Variants in PCCB observed in about 807,000 individuals in gnomAD.
The protein encoded by PCCB is propionyl-CoA carboxylase beta chain, mitochondrial.
A neutral mutation model predicts 60.7 loss-of-function variants in PCCB; 43 were observed. The observed-to-expected ratio is 0.71, with a 90% CI of 0.55 to 0.91. PCCB has a LOEUF of 0.91. Ranked by LOEUF, PCCB falls within the 40% of genes least tolerant of loss-of-function variation. PCCB has a pLI of 0.00. For synonymous variants in PCCB, 276 were observed against 255.9 expected (o/e 1.08, Z -0.75); for missense variants, 766 against 702.8 (o/e 1.09, Z -1.02).
chr3:136,279,284 T>C (rs548134749), intron 5 of PCCB, among the ~76,000 whole-genome samples: 76 of 152,340 alleles, frequency 5.0e-4, no homozygotes, highest in Non-Finnish European at 3.2e-4. Flanking sequence ...CATTTATACT[T>C]AGCATGATTG....
chr3:136,316,861 A>C (rs1934914992), intron 9 of PCCB, 80 bp from the exon 10 acceptor site: 1 of 1,509,224 alleles, frequency 6.6e-7, no homozygotes, highest in African/African-American at 1.4e-5. Context: ...ATTCTGTAAT[A>C]GAAATGTCAT....
rs544664390 is a variant in PCCB, at chr3:136,301,083, C to G, written c.938C>G (p.Ala313Gly). Reference protein sequence around the residue: ...DTIVPLESTKAYNMVDIIHSV... With the variant: ...DTIVPLESTKGYNMVDIIHSV... Reference sequence around the variant, plus strand: ...ATTGTCCCTTTGGAATCAACCAAAGCCTACAACATGGTGGACATCATACAC... The same window carrying G: ...ATTGTCCCTTTGGAATCAACCAAAGGCTACAACATGGTGGACATCATACAC... Residue 313 changes from alanine to glycine, a missense_variant, in exon 9 of 15, where the codon GCC becomes GGC. Transcript: ENST00000251654. 1.9e-6 allele frequency: 3 copies of G among 1,613,998 alleles called. No individual in the cohort carries two copies. Among genetic ancestry groups the G allele is most frequent in the Middle Eastern group, 1.7e-4 (1 of 6,060 alleles).
At chr3:136,296,249 A>G (rs1933933282) in intron 7 of PCCB, among the ~76,000 whole-genome samples, 2 of 152,194 alleles carry the variant, frequency 1.3e-5, no homozygotes, top group African/African-American at 4.8e-5. Context: ...GCCCATTAGC[A>G]GTCACTCTGC....
intron 5 of PCCB, among the ~76,000 whole-genome samples, chr3:136,276,582 G>A (rs1280541361): frequency 6.6e-6 from 1 of 152,170 alleles, no homozygotes; most frequent in Non-Finnish European, 1.5e-5. Context: ...GGCCAGGGCG[G>A]GGGTGGGGGT....
chr3:136,254,294 C>G (rs1559994295), intron 1 of PCCB, among the ~76,000 whole-genome samples: 1 of 151,930 alleles, frequency 6.6e-6, no homozygotes, highest in Non-Finnish European at 1.5e-5. Context: ...TCTTGGCTCA[C>G]TGCAACCCCT....
chr3:136,259,901 C>T lies in PCCB; in HGVS notation c.373-578C>T, dbSNP rs1297798294. ...CCGAGTAGCTGGGATTACAGGCACA[C>T]ACCACCACGCCCAGCTAATTTTTAT... is the stretch of plus-strand genomic sequence containing the variant. On this transcript the variant is annotated intron_variant, in intron 3 of 14. Transcript: ENST00000251654. Among the ~76,000 whole-genome samples the T allele has an allele frequency of 2.2e-4, 29 of 131,182 alleles. 1 individual carries two copies. The highest frequency in any genetic ancestry group is 5.1e-4 in the South Asian group (2 of 3,944). 86.1% of individuals were successfully genotyped at this position (131,182 alleles called of 152,430 possible). A position where few individuals can be genotyped will look rare whatever the true frequency, so the allele number is the denominator to read the frequency against.
chr3:136,256,282 G>A lies in PCCB; in HGVS notation c.304-273G>A. 8.8e-6 allele frequency: 5 copies of A among 571,324 alleles called. No homozygotes were observed. In the Admixed American group the frequency reaches 1.2e-4, roughly 14 times the overall value. The allele number at this position is 571,324 out of a possible 1,614,324, so 35.4% of individuals were successfully genotyped here. Reference sequence around the variant, plus strand: ...ACGTCCTCCTTCATGTAAGCATAGAGAAGTGGTGGCCCTGGGTCTTGATTG... The same window carrying A: ...ACGTCCTCCTTCATGTAAGCATAGAAAAGTGGTGGCCCTGGGTCTTGATTG... On this transcript the variant is annotated intron_variant, in intron 2 of 14. Coordinates refer to ENST00000251654, the MANE Select transcript of PCCB (RefSeq NM_000532.5).
intron 10 of PCCB, among the ~76,000 whole-genome samples, chr3:136,322,278 G>C (rs1188562610): frequency 1.3e-5 from 2 of 152,160 alleles, no homozygotes; most frequent in Admixed American, 1.3e-4. Context: ...ATTTTTGACT[G>C]TTGAACTAAA....
chr3:136,262,940 T>C (rs576682080), intron 5 of PCCB, among the ~76,000 whole-genome samples: 92 of 149,078 alleles, frequency 6.2e-4, no homozygotes, highest in African/African-American at 2.2e-3. Flanking sequence ...TACATCTTTA[T>C]GGGTCTGGAG....
intron 5 of PCCB, among the ~76,000 whole-genome samples, chr3:136,266,211 C>A (rs892492037): frequency 6.6e-6 from 1 of 151,758 alleles, no homozygotes; most frequent in South Asian, 2.1e-4. Context: ...TCACTGTAAC[C>A]TCTGCCTCCC....
chr3:136,322,145 C>T (rs544104827), intron 10 of PCCB, among the ~76,000 whole-genome samples: 6 of 152,096 alleles, frequency 3.9e-5, no homozygotes, highest in African/African-American at 1.4e-4. Context: ...CCCCTCTATA[C>T]CTAGTTTATT....
At chr3:136,328,977 A>G in intron 14 of PCCB, 120 bp downstream of exon 14, 1 of 801,480 alleles carries the variant, frequency 1.2e-6, no homozygotes, top group Non-Finnish European at 2.2e-6. Flanking sequence ...TTGACTAGTG[A>G]GGGTTGGGAC....
chr3:136,284,695 T>C, intron 6 of PCCB, among the ~76,000 whole-genome samples: 1 of 152,152 alleles, frequency 6.6e-6, no homozygotes, highest in East Asian at 1.9e-4. Flanking sequence ...AATTCAAAAG[T>C]TTCACAAAGT....
intron 7 of PCCB, among the ~76,000 whole-genome samples, chr3:136,295,815 A>G (rs944431068): frequency 1.3e-5 from 2 of 151,302 alleles, no homozygotes; most frequent in African/African-American, 4.8e-5. Context: ...AGGTATGGAC[A>G]TACTCTTATG....
intron 1 of PCCB, 60 bp from the exon 2 acceptor site, chr3:136,255,796 T>C: frequency 6.6e-7 from 1 of 1,505,520 alleles, no homozygotes; most frequent in Non-Finnish European, 9.2e-7. Flanking sequence ...TGAACAGCCC[T>C]TGCTTTGCTT....
At chr3:136,301,256 G>A (rs1934268290) in intron 9 of PCCB, 145 bp downstream of exon 9, 1 of 716,368 alleles carries the variant, frequency 1.4e-6, no homozygotes, top group East Asian at 2.7e-5. Context: ...AGGACCAGTG[G>A]CCACTGAGTA....
At chr3:136,309,796 T>A (rs1381691286) in intron 9 of PCCB, among the ~76,000 whole-genome samples, 3 of 150,236 alleles carry the variant, frequency 2.0e-5, no homozygotes, top group African/African-American at 7.4e-5. Flanking sequence ...AGTGAGACCC[T>A]GTCTCAAAAA....
intron 6 of PCCB, among the ~76,000 whole-genome samples, chr3:136,293,085 T>C (rs540200236): frequency 5.1e-4 from 77 of 152,302 alleles, no homozygotes; most frequent in Non-Finnish European, 3.2e-4. Context: ...CAAGCAATCA[T>C]AGCTCACTGC....
intron 6 of PCCB, among the ~76,000 whole-genome samples, chr3:136,291,714 A>G (rs1383107461): frequency 6.6e-6 from 1 of 152,214 alleles, no homozygotes; most frequent in African/African-American, 2.4e-5. Context: ...TCAGCAGGTT[A>G]GGCTCTTATC....
Sources: allele counts gnomAD v4.1 joint callset (sites outside exome capture counted in the v4.1 genomes callset), GRCh38; gene constraint gnomAD v4.1.1; transcripts MANE v1.5; gene names NCBI Gene and HGNC (gene_info 2026-07-23, HGNC 2026-07-21).